The following FAM193A variants were observed in gnomAD, a reference collection of about 807,000 sequenced individuals.
The protein encoded by FAM193A is family with sequence similarity 193 member A.
Under a neutral mutation model 126.5 loss-of-function variants are expected in FAM193A, and 22 were observed. The observed-to-expected ratio is 0.17, with a 90% confidence interval of 0.12 to 0.25. FAM193A has a LOEUF of 0.25. FAM193A is among the 10% of genes least tolerant of loss of function. FAM193A has a pLI of 1.00. For missense variants in FAM193A, 1,675 were observed against 1,672.8 expected (o/e 1.00, Z -0.02); for synonymous variants, 761 against 646.8 (o/e 1.18, Z -2.68).
chr4:2,574,080 G>T (rs771688594), intron 1 of FAM193A, among the ~76,000 whole-genome samples: 7 of 152,114 alleles, frequency 4.6e-5, no homozygotes, highest in East Asian at 1.9e-4. Context: ...GGTTTTTGCA[G>T]AAGAGTGGTA....
Position 2,699,752 on chromosome 4 carries a change from C to T in FAM193A, c.3580C>T (p.Arg1194Trp), listed in dbSNP as rs746454536. The change falls in exon 19 of 21, where the codon CGG becomes TGG. Residue 1194 changes from arginine to tryptophan, a missense_variant. Physicochemically the swap from Arg to Trp is moderately radical, Grantham distance 101 (BLOSUM62 -3). This residue lies in a region of FAM193A where 415 missense variants were observed against 396.7 expected (regional missense o/e 1.05). Coordinates refer to ENST00000637812, the MANE Select transcript of FAM193A (RefSeq NM_001366318.2). ...CCTGCACCTCCAGGAGGAGCAGAGG[C>T]GGCGGGAGGAGGAGGAGGATGAGGA... ...EHLHLQEEQR[R>W]REEEEDEEEE... 1.2e-5 allele frequency: 19 copies of T among 1,613,442 alleles called. 1 individual carries two copies. The highest frequency in any genetic ancestry group is 5.5e-5 in the South Asian group (5 of 91,048).
intron 16 of FAM193A, 42 bp from the exon 17 acceptor site, chr4:2,694,904 C>A: frequency 1.3e-6 from 2 of 1,526,592 alleles, no homozygotes; most frequent in South Asian, 1.2e-5. Context: ...CATTGCCTCC[C>A]GGGCCGGCCA....
At chr4:2,568,318 A>G (rs1283281724) in intron 1 of FAM193A, among the ~76,000 whole-genome samples, 1 of 152,164 alleles carries the variant, frequency 6.6e-6, no homozygotes, top group African/African-American at 2.4e-5. Flanking sequence ...GACTGAATCA[A>G]GTAAGATACA....
At position 2,659,622 on chromosome 4, in the gene FAM193A, C is replaced by G. The variant is rs1333437186; in HGVS notation, c.1454C>G (p.Ser485Trp). ...NFTDTMRHML[S>W]SRLSMPDCPN... Reference sequence around the variant, plus strand: ...ACAGACACCATGAGGCACATGTTATCGTCCCGGCTGAGCATGCCCGACTGC... The same window carrying G: ...ACAGACACCATGAGGCACATGTTATGGTCCCGGCTGAGCATGCCCGACTGC... Residue 485 changes from serine (S) to tryptophan (W), a missense_variant, in exon 9 of 21, where the codon TCG (serine) becomes TGG (tryptophan). By Grantham distance (177) the Ser-to-Trp change is radical. Transcript: ENST00000637812. 1.2e-6 allele frequency: 2 copies of G among 1,614,128 alleles called. No homozygotes were observed. Among genetic ancestry groups the G allele is most frequent in the Non-Finnish European group, 1.7e-6 (2 of 1,180,012 alleles).
intron 13 of FAM193A, among the ~76,000 whole-genome samples, chr4:2,681,975 TTTTTTTTTTTGG>T (rs1715183116): frequency 6.7e-6 from 1 of 149,944 alleles, no homozygotes; most frequent in African/African-American, 2.5e-5. Flanking sequence ...TCTCAGGGTT[TTTTTTTTTTTGG>T]TTTTTTTTTT....
chr4:2,559,927 G>A (rs1738507555), intron 1 of FAM193A, among the ~76,000 whole-genome samples: 1 of 151,916 alleles, frequency 6.6e-6, no homozygotes, highest in African/African-American at 2.4e-5. Context: ...TCTTGCCTCT[G>A]CGCCTTTGTG....
intron 13 of FAM193A, among the ~76,000 whole-genome samples, chr4:2,674,836 A>G (rs76576357): frequency 9.7e-6 from 1 of 102,866 alleles, no homozygotes; most frequent in Non-Finnish European, 2.5e-5. Context: ...TCTCTACCAA[A>G]AAAAAAAAAA....
At chr4:2,625,550 A>G (rs558366371) in intron 3 of FAM193A, 155 bp downstream of exon 3, 2 of 465,548 alleles carry the variant, frequency 4.3e-6, no homozygotes, top group South Asian at 4.0e-5. Context: ...TATGAGTAAG[A>G]CAAAAACTGT....
At chr4:2,612,955 A>G (rs2108947026) in intron 2 of FAM193A, among the ~76,000 whole-genome samples, 1 of 152,338 alleles carries the variant, frequency 6.6e-6, no homozygotes, top group Admixed American at 6.5e-5. Flanking sequence ...TCTACAGAAA[A>G]GCCTGTTGGG....
At position 2,536,675 on chromosome 4, in the gene FAM193A, G is replaced by A. The variant is rs1324260222; in HGVS notation, c.-241G>A. On this transcript the variant is annotated 5_prime_UTR_variant, in exon 1 of 21. Coordinates refer to ENST00000637812, the MANE Select transcript of FAM193A (RefSeq NM_001366318.2). ...CCTTTCCCCTTGTGTCCGCCATATT[G>A]GACTCTAACTCTGGTCAGCCGCGGC... The A allele has an allele frequency of 7.4e-6, 1 of 135,006 alleles. No homozygotes were observed. Among genetic ancestry groups the A allele is most frequent in the Non-Finnish European group, 1.5e-5 (1 of 65,088 alleles). 8.4% of individuals were successfully genotyped at this position (135,006 alleles called of 1,614,324 possible).
chr4:2,684,607 G>A (rs568927350), intron 13 of FAM193A, among the ~76,000 whole-genome samples: 13 of 152,276 alleles, frequency 8.5e-5, no homozygotes, highest in African/African-American at 3.1e-4. Flanking sequence ...GCCCTCCATA[G>A]TGGATGCTTC....
chr4:2,666,077 G>A (rs1273162275), intron 12 of FAM193A, among the ~76,000 whole-genome samples: 1 of 152,088 alleles, frequency 6.6e-6, no homozygotes, highest in Non-Finnish European at 1.5e-5. Flanking sequence ...AATCTTAGGG[G>A]GAAAGCATTT....
intron 18 of FAM193A, among the ~76,000 whole-genome samples, chr4:2,698,002 A>G (rs1355392955): frequency 6.6e-6 from 1 of 152,162 alleles, no homozygotes; most frequent in Non-Finnish European, 1.5e-5. Flanking sequence ...GGCCCAGCTG[A>G]ACCTTAGAGG....
At position 2,652,966 on chromosome 4, in the gene FAM193A, G is replaced by T. The variant is rs527327012; in HGVS notation, c.1312-4837G>T. On this transcript the variant is annotated intron_variant, in intron 7 of 20. Transcript: ENST00000637812. ...GTTACCACATCTGCAGATGACAGGA[G>T]GCTCCCGAGGGTCTCAGCCAGGCAG... Among the ~76,000 whole-genome samples the T allele has an allele frequency of 6.6e-5, 10 of 152,364 alleles. No individual in the cohort carries two copies. The South Asian group carries it at 1.4e-3, about 22-fold the overall frequency.
chr4:2,654,364 A>G (rs931995790), intron 7 of FAM193A: 1 of 139,182 alleles, frequency 7.2e-6, no homozygotes, highest in Admixed American at 7.2e-5. Flanking sequence ...AGCGCACACC[A>G]CCATGCCTGG....
At chr4:2,544,958 T>G (rs1185364084) in intron 1 of FAM193A, among the ~76,000 whole-genome samples, 1 of 152,114 alleles carries the variant, frequency 6.6e-6, no homozygotes, top group African/African-American at 2.4e-5. Flanking sequence ...TGATCTCATC[T>G]GTATCCTTTA....
intron 19 of FAM193A, among the ~76,000 whole-genome samples, chr4:2,710,154 T>C (rs1245640888): frequency 6.7e-6 from 1 of 148,338 alleles, no homozygotes; most frequent in African/African-American, 2.5e-5. Flanking sequence ...TTTACTGTTC[T>C]TCTTTTGTTT....
intron 2 of FAM193A, among the ~76,000 whole-genome samples, chr4:2,610,070 A>G (rs1404210034): frequency 1.3e-5 from 2 of 151,838 alleles, no homozygotes; most frequent in African/African-American, 4.8e-5. Flanking sequence ...CATCTCTACT[A>G]AAAATACAAA....
intron 6 of FAM193A, among the ~76,000 whole-genome samples, chr4:2,642,580 A>G (rs1301471727): frequency 6.6e-6 from 1 of 152,104 alleles, no homozygotes; most frequent in Non-Finnish European, 1.5e-5. Flanking sequence ...TTTTCATGAG[A>G]AGATATGCAT....
Sources: gnomAD v4.1 joint callset for allele counts (sites outside exome capture counted in the v4.1 genomes callset) on GRCh38, gnomAD v4.1.1 for gene constraint, gnomAD v4.1.1 regional missense constraint, MANE v1.5 for transcripts, NCBI Gene and HGNC (gene_info 2026-07-23, HGNC 2026-07-21) for gene names.